The following STK3 variants were observed in gnomAD, a reference collection of about 807,000 sequenced individuals.
The protein encoded by STK3 is serine/threonine kinase 3.
STK3 carries 41 observed loss-of-function variants against 58.0 expected under a neutral mutation model. The ratio of observed to expected loss-of-function variants is 0.71; its 90% CI spans 0.55 to 0.92. STK3 has a LOEUF of 0.92. Among genes scored for constraint, STK3 ranks in the 40% least tolerant of loss-of-function variants. The probability of loss-of-function intolerance (pLI) is 0.00; values close to 1 mark genes in which losing one functional copy is unlikely to be tolerated. For synonymous variants in STK3, 170 were observed against 191.0 expected (o/e 0.89, Z 0.91); for missense variants, 479 against 602.7 (o/e 0.79, Z 2.15).
chr8:98,399,584 CT>C (rs1817924523), downstream of STK3, among the ~76,000 whole-genome samples: 1 of 152,222 alleles, frequency 6.6e-6, no homozygotes, highest in African/African-American at 2.4e-5. Flanking sequence ...GCAAACAAAG[CT>C]TTTCTATCTC....
chr8:98,495,304 T>C (rs956552188), intron 10 of STK3, among the ~76,000 whole-genome samples: 114 of 152,328 alleles, frequency 7.5e-4, no homozygotes, highest in African/African-American at 2.5e-3. Context: ...GATTCTAATC[T>C]TTTTTGGTTT....
intron 10 of STK3, among the ~76,000 whole-genome samples, chr8:98,519,059 C>T (rs1200042786): frequency 6.6e-6 from 1 of 152,024 alleles, no homozygotes; most frequent in Non-Finnish European, 1.5e-5. Flanking sequence ...AAATACTTGA[C>T]AATAATCATT....
chr8:98,579,637 A>G, intron 8 of STK3, 27 bp downstream of exon 8: 1 of 1,598,434 alleles, frequency 6.3e-7, no homozygotes, highest in Non-Finnish European at 8.5e-7. Flanking sequence ...GAAGAAAAAA[A>G]TCAACTTTTT....
At chr8:98,590,512 C>T (rs966517759) in intron 7 of STK3, among the ~76,000 whole-genome samples, 9 of 152,070 alleles carry the variant, frequency 5.9e-5, no homozygotes, top group African/African-American at 1.7e-4. Flanking sequence ...TTGGGCTGGT[C>T]GGTCTGAGGA....
At chr8:98,869,163 G>T (rs550756058) in intron 3 of STK3, among the ~76,000 whole-genome samples, 2 of 151,994 alleles carry the variant, frequency 1.3e-5, no homozygotes, top group Admixed American at 1.3e-4. Context: ...GCTCTTGCCC[G>T]TAGTCCCAGC....
Position 98,825,585 on chromosome 8 carries a change from GA to G in STK3, c.-46del. 7.1e-7 allele frequency: 1 copy of G among 1,406,270 alleles called. No homozygotes were observed. Among genetic ancestry groups the G allele is most frequent in the Non-Finnish European group, 9.3e-7 (1 of 1,073,432 alleles). 87.1% of individuals were successfully genotyped at this position (1,406,270 alleles called of 1,614,324 possible). A position where few individuals can be genotyped will look rare whatever the true frequency, so the allele number is the denominator to read the frequency against. Reference sequence around the variant, plus strand: ...AGGGACCTGGTGGACGGCGAAGGCCGAAAGGAGGAAAGGAGCCGGGGCACCG... The same window carrying G: ...AGGGACCTGGTGGACGGCGAAGGCCGAAGGAGGAAAGGAGCCGGGGCACCG... On this transcript the variant is annotated 5_prime_UTR_variant, in exon 1 of 11. Coordinates refer to ENST00000419617, the MANE Select transcript of STK3 (RefSeq NM_006281.4).
chr8:98,616,499 T>G (rs1293141050), intron 6 of STK3, among the ~76,000 whole-genome samples: 4 of 145,542 alleles, frequency 2.7e-5, no homozygotes, highest in Admixed American at 1.4e-4. Context: ...ATGCTCCAAT[T>G]AAAAGACACA....
intron 9 of STK3, among the ~76,000 whole-genome samples, chr8:98,545,170 C>T (rs760610563): frequency 6.6e-6 from 1 of 152,160 alleles, no homozygotes. Flanking sequence ...GAATGACAAC[C>T]AACCTGCTTT....
At chr8:98,898,013 C>T (rs1238566023) in intron 1 of STK3, among the ~76,000 whole-genome samples, 2 of 152,162 alleles carry the variant, frequency 1.3e-5, no homozygotes, top group Non-Finnish European at 2.9e-5. Context: ...TCTTCTGGGC[C>T]TCGGTTTTCC....
intron 1 of STK3, among the ~76,000 whole-genome samples, chr8:98,918,789 A>G (rs1451838091): frequency 6.6e-6 from 1 of 151,978 alleles, no homozygotes; most frequent in African/African-American, 2.4e-5. Flanking sequence ...AAACAAAAAC[A>G]AAACTTTAAA....
At chr8:98,660,920 T>C (rs1821921413) in intron 6 of STK3, among the ~76,000 whole-genome samples, 1 of 151,914 alleles carries the variant, frequency 6.6e-6, no homozygotes, top group Non-Finnish European at 1.5e-5. Context: ...AAACAAAAAC[T>C]GAGAGAATTC....
intron 6 of STK3, among the ~76,000 whole-genome samples, chr8:98,605,878 G>A (rs983072318): frequency 1.1e-4 from 16 of 152,100 alleles, no homozygotes; most frequent in Non-Finnish European, 1.6e-4. Context: ...AGATGTGGTT[G>A]TTAAAAGTGT....
In STK3 at chr8:98,669,676, G is replaced by A. The variant is rs73275902; in HGVS notation, c.684+36791C>T. ...TCCCAAAAAAAATCAATGAACACCC[G>A]GAATACAGGGTCTTCAACAGAATCA... On this transcript the variant is annotated intron_variant, in intron 6 of 10. Coordinates refer to ENST00000419617, the MANE Select transcript of STK3 (RefSeq NM_006281.4). Among the ~76,000 whole-genome samples, 1,236 of 152,152 alleles carry A rather than the reference G, an allele frequency of 8.1e-3. 9 individuals carry two copies. Among genetic ancestry groups the A allele is most frequent in the African/African-American group, 0.028 (1,172 of 41,498 alleles).
chr8:98,776,782 T>C (rs1042684709), intron 1 of STK3, among the ~76,000 whole-genome samples: 2 of 149,238 alleles, frequency 1.3e-5, no homozygotes, highest in Admixed American at 6.7e-5. Flanking sequence ...CCAGGAGCGG[T>C]GGCTCACGCC....
chr8:98,760,377 T>A (rs963366438), intron 3 of STK3, among the ~76,000 whole-genome samples: 1 of 152,188 alleles, frequency 6.6e-6, no homozygotes, highest in Non-Finnish European at 1.5e-5. Context: ...TGGCTTCAAG[T>A]GACCCTCCTG....
the STK3 span, among the ~76,000 whole-genome samples, chr8:98,364,403 C>T: frequency 6.6e-6 from 1 of 152,292 alleles, no homozygotes; most frequent in East Asian, 1.9e-4. Context: ...AGTCCCCTGT[C>T]CCTCTCCTTC....
chr8:98,574,063 A>G (rs1437230819), intron 8 of STK3, among the ~76,000 whole-genome samples: 1 of 152,108 alleles, frequency 6.6e-6, no homozygotes, highest in African/African-American at 2.4e-5. Context: ...ACACATGGGG[A>G]TTATGGGAAC....
intron 6 of STK3, among the ~76,000 whole-genome samples, chr8:98,659,765 A>G (rs1051533719): frequency 6.6e-6 from 1 of 152,040 alleles, no homozygotes; most frequent in Non-Finnish European, 1.5e-5. Context: ...CTAGATGTAT[A>G]ATTAACATAG....
At chr8:98,780,982 A>T (rs1832052828) in intron 1 of STK3, among the ~76,000 whole-genome samples, 1 of 152,224 alleles carries the variant, frequency 6.6e-6, no homozygotes, top group African/African-American at 2.4e-5. Flanking sequence ...AAGTTTAAGT[A>T]TCCATTGTAG....
Sources: gnomAD v4.1 joint callset for allele counts (sites outside exome capture counted in the v4.1 genomes callset) on GRCh38, gnomAD v4.1.1 for gene constraint, MANE v1.5 for transcripts, NCBI Gene and HGNC (gene_info 2026-07-23, HGNC 2026-07-21) for gene names.